SEPTIN14: variants seen among roughly 807,000 people sequenced by gnomAD.
The protein encoded by SEPTIN14 is septin 14.
In SEPTIN14, 40 loss-of-function variants were observed where a neutral mutation model predicts 53.6. That is an observed-to-expected ratio of 0.75 (90% confidence interval 0.58 to 0.97). The LOEUF is 0.97. Ranked by LOEUF, SEPTIN14 falls within the 50% of genes least tolerant of loss-of-function variation. SEPTIN14 has a pLI of 0.00. For missense variants in SEPTIN14, 471 were observed against 508.2 expected (o/e 0.93, Z 0.70); for synonymous variants, 138 against 166.8 (o/e 0.83, Z 1.33).
intron 9 of SEPTIN14, among the ~76,000 whole-genome samples, chr7:55,801,799 C>G (rs939745534): frequency 6.6e-6 from 1 of 151,802 alleles, no homozygotes; most frequent in African/African-American, 2.4e-5. Flanking sequence ...TACATGCCTG[C>G]GGTCCCAGCT....
At chr7:55,848,698 C>T (rs1789469516) in intron 2 of SEPTIN14, among the ~76,000 whole-genome samples, 1 of 151,146 alleles carries the variant, frequency 6.6e-6, no homozygotes, top group African/African-American at 2.4e-5. Context: ...AGCTCCGCTT[C>T]CCGGGTTCAC....
chr7:55,833,130 AT>A (rs1309067795), intron 6 of SEPTIN14, among the ~76,000 whole-genome samples: 1 of 152,020 alleles, frequency 6.6e-6, no homozygotes, highest in Non-Finnish European at 1.5e-5. Flanking sequence ...CCTGGCTAAC[AT>A]GGTGAAACCC....
chr7:55,859,590 G>C (rs182668897), intron 2 of SEPTIN14, among the ~76,000 whole-genome samples: 2 of 152,196 alleles, frequency 1.3e-5, no homozygotes, highest in Admixed American at 1.3e-4. Context: ...GGAAACTTAA[G>C]TTCTATTATG....
In SEPTIN14 at chr7:55,793,814, G is replaced by A. The variant is rs1320057533; in HGVS notation, c.*2099C>T. On this transcript the variant is annotated 3_prime_UTR_variant, in exon 10 of 10. Coordinates refer to ENST00000388975, the MANE Select transcript of SEPTIN14 (RefSeq NM_207366.3). ...AATCTACATAGAATATACACAAAAG[G>A]AAATGAGAATAGAAACAAAACTTGT... is the stretch of plus-strand genomic sequence containing the variant. 1 of 151,820 alleles carries A rather than the reference G, an allele frequency of 6.6e-6. No individual in the cohort carries two copies. Among genetic ancestry groups the A allele is most frequent in the East Asian group, 1.9e-4 (1 of 5,184 alleles). 9.4% of individuals were successfully genotyped at this position (151,820 alleles called of 1,614,324 possible).
intron 9 of SEPTIN14, among the ~76,000 whole-genome samples, chr7:55,803,526 T>C (rs1788557912): frequency 6.6e-6 from 1 of 151,918 alleles, no homozygotes; most frequent in Admixed American, 6.6e-5. Context: ...CAACTGAAAA[T>C]AGAATAACCA....
intron 7 of SEPTIN14, among the ~76,000 whole-genome samples, chr7:55,818,199 C>T (rs1481048353): frequency 2.6e-5 from 4 of 152,024 alleles, no homozygotes; most frequent in Admixed American, 2.0e-4. Context: ...AGGCTGGACA[C>T]GGTGGCTCAT....
At chr7:55,848,640 T>C (rs1421077292) in intron 2 of SEPTIN14, among the ~76,000 whole-genome samples, 2 of 140,748 alleles carry the variant, frequency 1.4e-5, no homozygotes, top group African/African-American at 5.5e-5. Context: ...AGACGGAGTC[T>C]CGCTCTGTCG....
chr7:55,796,857 G>T (rs1213366855), intron 9 of SEPTIN14, among the ~76,000 whole-genome samples: 1 of 152,132 alleles, frequency 6.6e-6, no homozygotes, highest in Non-Finnish European at 1.5e-5. Flanking sequence ...GGGCGTGGTG[G>T]CTCACACCTG....
At position 55,834,564 on chromosome 7, in the gene SEPTIN14, G is replaced by A; in HGVS notation, c.581C>T (p.Ala194Val). ...DSKVNIIPLI[A>V]KADTISKNDL... ...ATTTTTAGAAATAGTGTCTGCTTTG[G>A]CAATCAGTGGTATAATATTCACCTA... Residue 194 changes from alanine to valine, a missense_variant, in exon 6 of 10, where the codon GCC becomes GTC. By Grantham distance (64) the Ala-to-Val change is moderately conservative (BLOSUM62 0). Coordinates refer to ENST00000388975, the MANE Select transcript of SEPTIN14 (RefSeq NM_207366.3). 1 of 1,607,976 alleles carries A rather than the reference G, an allele frequency of 6.2e-7. No homozygotes were observed. The highest frequency in any genetic ancestry group is 8.5e-7 in the Non-Finnish European group (1 of 1,175,592).
intron 6 of SEPTIN14, among the ~76,000 whole-genome samples, chr7:55,823,983 A>G (rs1788941403): frequency 6.6e-6 from 1 of 151,756 alleles, no homozygotes; most frequent in African/African-American, 2.4e-5. Flanking sequence ...CTCTGCCTCA[A>G]CAAGGTAAAT....
rs556141239 is a variant in SEPTIN14, at chr7:55,836,451, T to C, written c.559-1865A>G. 3.3e-5 allele frequency among the ~76,000 whole-genome samples: 5 copies of C among 152,308 alleles called. No homozygotes were observed. In the East Asian group the frequency reaches 9.6e-4, roughly 29 times the overall value. ...CAAAACACGTTTTTTAAAAAATCCA[T>C]GGACAGACCGGGCGCAGTGGCTCAC... is the stretch of plus-strand genomic sequence containing the variant. On this transcript the variant is annotated intron_variant, in intron 5 of 9. Transcript: ENST00000388975.
intron 7 of SEPTIN14, among the ~76,000 whole-genome samples, chr7:55,812,874 T>C (rs1409662946): frequency 6.6e-6 from 1 of 151,874 alleles, no homozygotes; most frequent in Admixed American, 6.6e-5. Flanking sequence ...TTGTGGGACT[T>C]TGCATTGGAA....
At position 55,844,706 on chromosome 7, in the gene SEPTIN14, A is replaced by G. The variant is rs1398855750; in HGVS notation, c.188T>C (p.Ile63Thr). The change falls in exon 4 of 10, where the codon ATT (isoleucine) becomes ACT (threonine). Residue 63 changes from isoleucine to threonine, a missense_variant. Ile to Thr is a moderately conservative substitution (Grantham distance 89). Transcript: ENST00000388975. ...FNILCVGETG[I>T]GKSTLIDTLF... Reference sequence around the variant, plus strand: ...TGTGTCTATCAGTGTCGATTTTCCAATTCCAGTCTCCCCTGTAATAGACAT... The same window carrying G: ...TGTGTCTATCAGTGTCGATTTTCCAGTTCCAGTCTCCCCTGTAATAGACAT... The G allele has an allele frequency of 1.9e-6, 3 of 1,579,668 alleles. No homozygotes were observed. Among genetic ancestry groups the G allele is most frequent in the East Asian group, 2.2e-5 (1 of 44,472 alleles).
intron 3 of SEPTIN14, 67 bp downstream of exon 3, chr7:55,846,450 T>C (rs1248843306): frequency 3.3e-6 from 4 of 1,226,152 alleles, no homozygotes; most frequent in Admixed American, 4.7e-5. Flanking sequence ...TTACACTGCT[T>C]AAGATAAGTT....
intron 2 of SEPTIN14, among the ~76,000 whole-genome samples, chr7:55,857,165 G>T (rs1267162134): frequency 2.0e-5 from 3 of 151,246 alleles, no homozygotes; most frequent in Admixed American, 1.3e-4. Flanking sequence ...CTGAGGTCGG[G>T]AGTTTGAGAC....
At chr7:55,831,211 A>G (rs1789104411) in intron 6 of SEPTIN14, among the ~76,000 whole-genome samples, 1 of 152,166 alleles carries the variant, frequency 6.6e-6, no homozygotes, top group South Asian at 2.1e-4. Flanking sequence ...GTACAAAAAC[A>G]GACAGATTAA....
intron 6 of SEPTIN14, among the ~76,000 whole-genome samples, chr7:55,825,581 T>G (rs996915589): frequency 1.3e-5 from 2 of 151,924 alleles, no homozygotes; most frequent in Non-Finnish European, 2.9e-5. Context: ...TAGAAGAAAA[T>G]CAAGGGAGGG....
intron 7 of SEPTIN14, among the ~76,000 whole-genome samples, chr7:55,813,134 G>A (rs1788731313): frequency 6.6e-6 from 1 of 152,010 alleles, no homozygotes; most frequent in Non-Finnish European, 1.5e-5. Context: ...ATTTTTAGTA[G>A]AGACAGGGTT....
intron 6 of SEPTIN14, among the ~76,000 whole-genome samples, chr7:55,827,545 T>G (rs867816908): frequency 6.6e-6 from 1 of 152,192 alleles, no homozygotes; most frequent in African/African-American, 2.4e-5. Context: ...TACAGAGACC[T>G]GTGAGCATTT....
Sources: allele counts gnomAD v4.1 joint callset (sites outside exome capture counted in the v4.1 genomes callset), GRCh38; gene constraint gnomAD v4.1.1; transcripts MANE v1.5; gene names NCBI Gene and HGNC (gene_info 2026-07-23, HGNC 2026-07-21).